The following ADGRD1 variants were observed in gnomAD, a reference collection of about 807,000 sequenced individuals.
The protein encoded by ADGRD1 is adhesion G protein-coupled receptor D1.
Under a neutral mutation model 113.4 loss-of-function variants are expected in ADGRD1, and 77 were observed. That is an observed-to-expected ratio of 0.68 (90% CI 0.57 to 0.82). The LOEUF (loss-of-function observed/expected upper bound fraction) is 0.82. Among genes scored for constraint, ADGRD1 ranks in the 40% least tolerant of loss-of-function variants. ADGRD1 has a pLI of 0.00. For missense variants in ADGRD1, 1,036 were observed against 1,139.1 expected, an observed-to-expected ratio of 0.91 and a Z score of 1.30; for synonymous variants, 474 against 475.0, an observed-to-expected ratio of 1.00 and a Z score of 0.03.
intron 2 of ADGRD1, among the ~76,000 whole-genome samples, chr12:130,963,598 G>A (rs921644968): frequency 1.3e-5 from 2 of 152,078 alleles, no homozygotes; most frequent in African/African-American, 4.8e-5. Context: ...GAAAGAATAT[G>A]CCATCTAAGT....
chr12:131,028,368 G>T (rs1005301682), intron 13 of ADGRD1, among the ~76,000 whole-genome samples: 1 of 152,016 alleles, frequency 6.6e-6, no homozygotes, highest in African/African-American at 2.4e-5. Context: ...TTTGATATAC[G>T]TATTGCAAAT....
At position 131,070,387 on chromosome 12, in the gene ADGRD1, A is replaced by G. The variant is rs529828265; in HGVS notation, c.1474-6414A>G. On this transcript the variant is annotated intron_variant, in intron 13 of 24. Transcript: ENST00000261654. The stretch of plus-strand genomic sequence containing the variant: ...ACCCCCTGGTGCTGAGTCCGCTTAT[A>G]CAGACAGAGACGAAGGGCAGCGACA... 1.2e-4 allele frequency: 19 copies of G among 160,144 alleles called. No homozygotes were observed. In the South Asian group the frequency reaches 2.8e-3, roughly 24 times the overall value. 9.9% of individuals were successfully genotyped at this position (160,144 alleles called of 1,614,324 possible).
chr12:131,061,519 G>A (rs759709662), intron 13 of ADGRD1, among the ~76,000 whole-genome samples: 2 of 152,168 alleles, frequency 1.3e-5, no homozygotes, highest in Non-Finnish European at 1.5e-5. Flanking sequence ...TGATTTAACT[G>A]TTTTTTTAAA....
chr12:131,045,439 G>A (rs1027133940), intron 13 of ADGRD1, among the ~76,000 whole-genome samples: 5 of 152,190 alleles, frequency 3.3e-5, no homozygotes, highest in Non-Finnish European at 1.5e-5. Flanking sequence ...GCTCCAGGAG[G>A]AGAAGAGCGG....
chr12:131,084,364 C>A lies in ADGRD1; in HGVS notation c.1548-176C>A, dbSNP rs2293655. On this transcript the variant is annotated intron_variant, in intron 14 of 24. Transcript: ENST00000261654. The surrounding 1 kb of genome is among the most constrained non-coding windows in gnomAD (Gnocchi z 4.5). The stretch of plus-strand genomic sequence containing the variant: ...TCTCCAGCTCTCGCCAGCCTGATGG[C>A]CAGAATCTCTCCTCCCAACCCCCAC... 3.2e-4 allele frequency among the ~76,000 whole-genome samples: 49 copies of A among 152,262 alleles called. 1 individual carries two copies. In the East Asian group the frequency reaches 9.1e-3, roughly 28 times the overall value.
chr12:131,116,553 G>C (rs1183356580), intron 18 of ADGRD1, among the ~76,000 whole-genome samples: 1 of 142,118 alleles, frequency 7.0e-6, no homozygotes, highest in Non-Finnish European at 1.5e-5. Flanking sequence ...GGTCGGGTGG[G>C]TGCCAGGAGC....
chr12:131,053,218 G>A (rs1036960770), intron 13 of ADGRD1, among the ~76,000 whole-genome samples: 2 of 152,192 alleles, frequency 1.3e-5, no homozygotes, highest in African/African-American at 4.8e-5. Context: ...CTGTGATGAC[G>A]GAGTGCAGGC....
intron 13 of ADGRD1, among the ~76,000 whole-genome samples, chr12:131,042,827 ATAATT>A (rs1350079197): frequency 6.6e-6 from 1 of 152,284 alleles, no homozygotes; most frequent in Non-Finnish European, 1.5e-5. Flanking sequence ...GGCCAGCAGA[ATAATT>A]TGATTTAGCT....
At position 130,966,388 on chromosome 12, in the gene ADGRD1, G is replaced by A; in HGVS notation, c.104-75G>A. On this transcript the variant is annotated intron_variant, in intron 2 of 24. Transcript: ENST00000261654. The surrounding 1 kb of genome is among the most constrained non-coding windows in gnomAD (Gnocchi z 4.6). Reference sequence around the variant, plus strand: ...CTTTTACTCTTCCCCCATAATGTGTGTGCTAAGCGGTTCTTACCCTCTGGT... The same window carrying A: ...CTTTTACTCTTCCCCCATAATGTGTATGCTAAGCGGTTCTTACCCTCTGGT... 1.1e-6 allele frequency: 1 copy of A among 879,312 alleles called. No individual in the cohort carries two copies. The highest frequency in any genetic ancestry group is 1.9e-6 in the Non-Finnish European group (1 of 515,076). 54.5% of individuals were successfully genotyped at this position (879,312 alleles called of 1,614,324 possible).
chr12:131,079,748 T>C (rs1261833118), intron 14 of ADGRD1, among the ~76,000 whole-genome samples: 1 of 152,212 alleles, frequency 6.6e-6, no homozygotes, highest in Non-Finnish European at 1.5e-5. Flanking sequence ...CAAAGTTGTT[T>C]AATTTATAGG....
intron 13 of ADGRD1, among the ~76,000 whole-genome samples, chr12:131,033,969 C>A (rs552527923): frequency 6.6e-6 from 1 of 152,288 alleles, no homozygotes; most frequent in Non-Finnish European, 1.5e-5. Flanking sequence ...CTGCAGCTCA[C>A]GTCCGATTTC....
chr12:130,978,150 T>C (rs1163769982), intron 4 of ADGRD1: 2 of 152,218 alleles, frequency 1.3e-5, no homozygotes, highest in East Asian at 1.9e-4. Context: ...AAATCATCCT[T>C]TGTCTTATGC....
At position 131,108,842 on chromosome 12, in the gene ADGRD1, A is replaced by G; in HGVS notation, c.2006A>G (p.Asp669Gly). 6.2e-7 allele frequency: 1 copy of G among 1,613,246 alleles called. No homozygotes were observed. The highest frequency in any genetic ancestry group is 8.5e-7 in the Non-Finnish European group (1 of 1,179,766). The change falls in exon 18 of 25, where the codon GAC becomes GGC. Residue 669 changes from aspartate (D) to glycine (G), a missense_variant. Asp to Gly is a moderately conservative substitution (Grantham distance 94). Transcript: ENST00000261654. ...SMVIKVFGSE[D>G]SKHRYYYGMG... ...GTGATCAAGGTCTTTGGGTCGGAGG[A>G]CAGCAAGCACCGTTACTACTATGGG...
At chr12:131,138,294 C>A in intron 24 of ADGRD1, 65 bp downstream of exon 24, 1 of 1,355,346 alleles carries the variant, frequency 7.4e-7, no homozygotes, top group Non-Finnish European at 1.0e-6. Flanking sequence ...CGGTTGTCAG[C>A]AGGATGGGGT....
intron 15 of ADGRD1, among the ~76,000 whole-genome samples, chr12:131,095,941 T>C (rs1887248936): frequency 6.6e-6 from 1 of 152,000 alleles, no homozygotes; most frequent in Non-Finnish European, 1.5e-5. Flanking sequence ...TGTGGGAAAA[T>C]GCAAGAACAC....
chr12:131,048,220 C>T (rs889341120), intron 13 of ADGRD1, among the ~76,000 whole-genome samples: 3 of 152,232 alleles, frequency 2.0e-5, no homozygotes, highest in African/African-American at 4.8e-5. Flanking sequence ...CAGGGTCAGC[C>T]GGGGCCAGCA....
At chr12:130,958,950 C>G (rs992358144) in intron 2 of ADGRD1, among the ~76,000 whole-genome samples, 3 of 152,230 alleles carry the variant, frequency 2.0e-5, no homozygotes, top group Non-Finnish European at 4.4e-5. Flanking sequence ...GCGATTTGCT[C>G]AAGGTCACAG....
chr12:131,018,987 A>G (rs1200602506), intron 13 of ADGRD1, among the ~76,000 whole-genome samples: 1 of 151,980 alleles, frequency 6.6e-6, no homozygotes, highest in Non-Finnish European at 1.5e-5. Flanking sequence ...CGGGGCACAG[A>G]CTCGTAGGCC....
chr12:131,095,151 G>A (rs1404891714), intron 15 of ADGRD1, among the ~76,000 whole-genome samples: 1 of 152,228 alleles, frequency 6.6e-6, no homozygotes, highest in Non-Finnish European at 1.5e-5. Context: ...GGCCACCTGG[G>A]ACATTGGGAA....
Sources: gnomAD v4.1 joint callset for allele counts (sites outside exome capture counted in the v4.1 genomes callset) on GRCh38, gnomAD v4.1.1 for gene constraint, Gnocchi (gnomAD v3.1) non-coding constraint, MANE v1.5 for transcripts, NCBI Gene and HGNC (gene_info 2026-07-23, HGNC 2026-07-21) for gene names.